LHPP: variants seen among roughly 807,000 people sequenced by gnomAD.
LHPP encodes hLHPP.
Under a neutral mutation model 30.3 loss-of-function variants are expected in LHPP, and 24 were observed. That is an observed-to-expected ratio of 0.79 (90% CI 0.57 to 1.11). LHPP has a LOEUF of 1.11. Among genes scored for constraint, LHPP ranks in the 50% most tolerant of loss-of-function variants. The pLI is 0.00. For missense variants in LHPP, 356 were observed against 367.2 expected, an observed-to-expected ratio of 0.97 and a Z score of 0.25; for synonymous variants, 150 against 157.1, an observed-to-expected ratio of 0.95 and a Z score of 0.34.
At chr10:124,467,906 C>T (rs913058503) in intron 1 of LHPP, among the ~76,000 whole-genome samples, 1 of 152,098 alleles carries the variant, frequency 6.6e-6, no homozygotes, top group African/African-American at 2.4e-5. Context: ...GACGGGGTTT[C>T]ACCATGTTGA....
At chr10:124,598,790 G>A (rs536289741) in intron 6 of LHPP, among the ~76,000 whole-genome samples, 18 of 148,460 alleles carry the variant, frequency 1.2e-4, no homozygotes, top group African/African-American at 2.7e-4. Context: ...CTGATGCAGC[G>A]CCTGCTACCC....
At chr10:124,463,681 A>T (rs988458483) in intron 1 of LHPP, among the ~76,000 whole-genome samples, 5 of 149,302 alleles carry the variant, frequency 3.3e-5, no homozygotes, top group Admixed American at 3.3e-4. Flanking sequence ...TCTTTGTATA[A>T]TTTTTTTTTT....
intron 1 of LHPP, among the ~76,000 whole-genome samples, chr10:124,466,280 A>C (rs1013615055): frequency 5.9e-5 from 9 of 152,228 alleles, no homozygotes; most frequent in African/African-American, 2.2e-4. Flanking sequence ...TTTCTGGTAT[A>C]GAAAATGCAG....
At chr10:124,483,481 C>T (rs538344639) in intron 1 of LHPP, among the ~76,000 whole-genome samples, 7 of 151,980 alleles carry the variant, frequency 4.6e-5, no homozygotes, top group Non-Finnish European at 8.8e-5. Context: ...TAGAAGTGGC[C>T]AGGCAGGTGG....
Position 124,589,853 on chromosome 10 carries a change from C to T in LHPP, c.717-23411C>T, listed in dbSNP as rs1238327203. On this transcript the variant is annotated intron_variant, in intron 6 of 6. Coordinates refer to ENST00000368842, the MANE Select transcript of LHPP (RefSeq NM_022126.4). ...CCTGCGTGCAGCCCCGTCCTCCAGCCCCGCTCGGCTCTGAATGAGTTCATT... is the reference window on the plus strand; with the variant it reads ...CCTGCGTGCAGCCCCGTCCTCCAGCTCCGCTCGGCTCTGAATGAGTTCATT... Among the ~76,000 whole-genome samples the T allele has an allele frequency of 6.6e-5, 10 of 152,296 alleles. No homozygotes were observed. The East Asian group carries it at 1.9e-3, about 29-fold the overall frequency.
intron 6 of LHPP, among the ~76,000 whole-genome samples, chr10:124,544,971 C>T (rs1230151834): frequency 3.9e-5 from 6 of 152,140 alleles, no homozygotes; most frequent in African/African-American, 1.2e-4. Flanking sequence ...TCTGGGAGGA[C>T]GGTGGCTCCC....
intron 1 of LHPP, among the ~76,000 whole-genome samples, chr10:124,480,780 A>G (rs1476751908): frequency 3.3e-5 from 5 of 152,242 alleles, no homozygotes; most frequent in Non-Finnish European, 4.4e-5. Flanking sequence ...AAAGGAATGA[A>G]TCACCCATCC....
rs544188367 is a variant in LHPP, at chr10:124,517,500, T to C, written c.716+229T>C. ...TTGATACAGGGTCTGGGTTTTGGAATGGCGTGCAGTGCAGAGAGAAATAAG... is the reference window on the plus strand; with the variant it reads ...TTGATACAGGGTCTGGGTTTTGGAACGGCGTGCAGTGCAGAGAGAAATAAG... On this transcript the variant is annotated intron_variant, in intron 6 of 6. Coordinates refer to ENST00000368842, the MANE Select transcript of LHPP (RefSeq NM_022126.4). The surrounding 1 kb of genome is among the most constrained non-coding windows in gnomAD (Gnocchi z 4.1). The C allele has an allele frequency of 7.2e-5, 24 of 331,264 alleles. No individual in the cohort carries two copies. In the South Asian group the frequency reaches 1.2e-3, roughly 17 times the overall value. The allele number at this position is 331,264 out of a possible 1,614,324, so 20.5% of individuals were successfully genotyped here.
intron 6 of LHPP, among the ~76,000 whole-genome samples, chr10:124,602,351 T>A (rs2134012950): frequency 6.6e-6 from 1 of 152,358 alleles, no homozygotes; most frequent in South Asian, 2.1e-4. Flanking sequence ...ACAGCTGGCT[T>A]ACTGCAGAGG....
intron 6 of LHPP, among the ~76,000 whole-genome samples, chr10:124,574,172 C>T (rs920685760): frequency 3.9e-5 from 6 of 152,298 alleles, no homozygotes; most frequent in Admixed American, 2.6e-4. Flanking sequence ...AGATGAGACC[C>T]GCCTGCCAAA....
chr10:124,522,505 A>G (rs1954634266), intron 6 of LHPP, among the ~76,000 whole-genome samples: 1 of 152,216 alleles, frequency 6.6e-6, no homozygotes, highest in Non-Finnish European at 1.5e-5. Context: ...CAGATGGGAC[A>G]GCTAGGACCT....
chr10:124,487,353 C>T (rs1388239010), intron 2 of LHPP, among the ~76,000 whole-genome samples: 1 of 152,206 alleles, frequency 6.6e-6, no homozygotes, highest in Non-Finnish European at 1.5e-5. Flanking sequence ...AGTATCCTCA[C>T]CAGACCTTGG....
intron 1 of LHPP, among the ~76,000 whole-genome samples, chr10:124,480,052 T>C (rs1373987478): frequency 4.6e-5 from 7 of 152,222 alleles, no homozygotes; most frequent in Non-Finnish European, 8.8e-5. Context: ...GACACCACCG[T>C]CCTTACCCAG....
At chr10:124,481,941 G>A (rs898370432) in intron 1 of LHPP, among the ~76,000 whole-genome samples, 1 of 152,192 alleles carries the variant, frequency 6.6e-6, no homozygotes, top group African/African-American at 2.4e-5. Context: ...CCACTATGTG[G>A]GAGAGCTCCA....
intron 6 of LHPP, among the ~76,000 whole-genome samples, chr10:124,527,594 C>T (rs940066794): frequency 7.9e-5 from 12 of 152,144 alleles, no homozygotes; most frequent in African/African-American, 2.2e-4. Context: ...CTCTCCCTGA[C>T]TTTTCATGAG....
At chr10:124,589,172 C>G (rs1234442945) in intron 6 of LHPP, among the ~76,000 whole-genome samples, 2 of 152,256 alleles carry the variant, frequency 1.3e-5, no homozygotes, top group Non-Finnish European at 2.9e-5. Flanking sequence ...GCCTTGGGGA[C>G]AGTCCGTGCA....
intron 6 of LHPP, among the ~76,000 whole-genome samples, chr10:124,595,263 G>A (rs113078217): frequency 1.4e-4 from 22 of 152,324 alleles, no homozygotes; most frequent in African/African-American, 5.3e-4. Context: ...ACCTGGTTGG[G>A]GACGCGAGGA....
At chr10:124,586,336 C>T in intron 6 of LHPP, among the ~76,000 whole-genome samples, 1 of 152,154 alleles carries the variant, frequency 6.6e-6, no homozygotes, top group East Asian at 1.9e-4. Context: ...AGGGGTGGGG[C>T]CGGTGCAGAG....
intron 6 of LHPP, among the ~76,000 whole-genome samples, chr10:124,540,135 C>T (rs1043120221): frequency 1.3e-5 from 2 of 152,134 alleles, no homozygotes; most frequent in East Asian, 1.9e-4. Flanking sequence ...CTGGCCCAGC[C>T]GTTCATGCAG....
Sources: allele counts gnomAD v4.1 joint callset (sites outside exome capture counted in the v4.1 genomes callset), GRCh38; gene constraint gnomAD v4.1.1; non-coding constraint Gnocchi (gnomAD v3.1); transcripts MANE v1.5; gene names NCBI Gene and HGNC (gene_info 2026-07-23, HGNC 2026-07-21).